The following SNX29 variants were observed in gnomAD, a reference collection of about 807,000 sequenced individuals.
SNX29 encodes sorting nexin-29.
A neutral mutation model predicts 102.1 loss-of-function variants in SNX29; 78 were observed. The ratio of observed to expected loss-of-function variants is 0.76; its 90% CI spans 0.64 to 0.92. The LOEUF (loss-of-function observed/expected upper bound fraction) is 0.92. Ranked by LOEUF, SNX29 falls within the 40% of genes least tolerant of loss-of-function variation. SNX29 has a pLI of 0.00. For synonymous variants in SNX29, 580 were observed against 414.5 expected, an observed-to-expected ratio of 1.40 and a Z score of -4.85; for missense variants, 1,280 against 1,061.7, an observed-to-expected ratio of 1.21 and a Z score of -2.86.
At chr16:12,071,668 C>G (rs1238742672) in intron 10 of SNX29, among the ~76,000 whole-genome samples, 1 of 152,018 alleles carries the variant, frequency 6.6e-6, no homozygotes, top group Admixed American at 6.6e-5. Context: ...TTTTTTGGTT[C>G]CATATGAACT....
At chr16:12,557,894 C>G (rs1183583054) in intron 20 of SNX29, among the ~76,000 whole-genome samples, 2 of 152,160 alleles carry the variant, frequency 1.3e-5, no homozygotes, top group Non-Finnish European at 2.9e-5. Context: ...CTGCAGGCAA[C>G]TGGAGGATTC....
At chr16:12,184,584 C>G (rs954940890) in intron 13 of SNX29, among the ~76,000 whole-genome samples, 3 of 152,216 alleles carry the variant, frequency 2.0e-5, no homozygotes, top group Admixed American at 6.5e-5. Flanking sequence ...GCCTTGTTAG[C>G]TTCCTGGAAT....
rs936671952 is a variant in SNX29 at position 12,571,037 on chromosome 16, C to T, written c.*2408C>T. Reference sequence around the variant, plus strand: ...TCATCTCGCAGATCCAGACCATCTCCTCTCATTCTCACTCTAAAAATGCTG... The same window carrying T: ...TCATCTCGCAGATCCAGACCATCTCTTCTCATTCTCACTCTAAAAATGCTG... On this transcript the variant is annotated 3_prime_UTR_variant, in exon 21 of 21. Coordinates refer to ENST00000566228, the MANE Select transcript of SNX29 (RefSeq NM_032167.5). 10 of 232,746 alleles carry T rather than the reference C, an allele frequency of 4.3e-5. No individual in the cohort carries two copies. The highest frequency in any genetic ancestry group is 1.8e-4 in the South Asian group (1 of 5,530). 14.4% of individuals were successfully genotyped at this position (232,746 alleles called of 1,614,324 possible).
chr16:12,547,003 G>A (rs1302853874), intron 20 of SNX29, among the ~76,000 whole-genome samples: 6 of 152,068 alleles, frequency 3.9e-5, no homozygotes, highest in African/African-American at 1.4e-4. Context: ...CACCATTTCA[G>A]ATCCTGATAG....
intron 14 of SNX29, among the ~76,000 whole-genome samples, chr16:12,246,528 CT>C (rs1352078616): frequency 6.6e-6 from 1 of 152,112 alleles, no homozygotes; most frequent in Non-Finnish European, 1.5e-5. Context: ...GTAATCCCAG[CT>C]ACTCAGGAGG....
chr16:11,982,423 G>GTTTTTTTTTTTTTT (rs60761477), intron 1 of SNX29, among the ~76,000 whole-genome samples: 1 of 120,356 alleles, frequency 8.3e-6, no homozygotes, highest in African/African-American at 3.0e-5. Flanking sequence ...CTTTCCATCA[G>GTTTTTTTTTTTTTT]TTTTTTTTTT....
intron 3 of SNX29, among the ~76,000 whole-genome samples, chr16:12,015,928 A>C (rs1483707791): frequency 2.1e-5 from 3 of 145,838 alleles, no homozygotes; most frequent in Admixed American, 6.8e-5. Context: ...GCAGTGGTGC[A>C]ATCTTGGCTC....
intron 3 of SNX29, among the ~76,000 whole-genome samples, chr16:12,016,581 GA>G (rs1258855658): frequency 6.6e-6 from 1 of 152,114 alleles, no homozygotes; most frequent in Non-Finnish European, 1.5e-5. Flanking sequence ...GCTAGCATTT[GA>G]TTTTGTCATG....
intron 18 of SNX29, among the ~76,000 whole-genome samples, chr16:12,437,321 GCT>G (rs149076883): frequency 0.082 from 12,512 of 152,206 alleles, 662 homozygotes; most frequent in Middle Eastern, 0.17. Flanking sequence ...CACACACTGT[GCT>G]CTCAGCTCAG....
At chr16:12,172,579 A>G (rs1235223730) in intron 13 of SNX29, among the ~76,000 whole-genome samples, 1 of 152,178 alleles carries the variant, frequency 6.6e-6, no homozygotes, top group African/African-American at 2.4e-5. Context: ...GGTTTATAAT[A>G]TTCTCTTCCT....
chr16:12,392,970 C>T (rs565318795), intron 16 of SNX29, among the ~76,000 whole-genome samples: 1 of 152,290 alleles, frequency 6.6e-6, no homozygotes, highest in South Asian at 2.1e-4. Flanking sequence ...CAGAACCATG[C>T]CATTTCACAT....
intron 13 of SNX29, among the ~76,000 whole-genome samples, 196 bp downstream of exon 13, chr16:12,129,954 A>G (rs984353493): frequency 2.0e-5 from 3 of 149,142 alleles, no homozygotes; most frequent in Admixed American, 6.7e-5. Flanking sequence ...AATACAAAAA[A>G]TTAGCTGGGT....
intron 19 of SNX29, 41 bp downstream of exon 19, chr16:12,477,900 G>A (rs376880448): frequency 2.9e-4 from 451 of 1,541,476 alleles, no homozygotes; most frequent in East Asian, 6.0e-4. Flanking sequence ...CACTGCCTGC[G>A]TTAAAATGGA....
intron 19 of SNX29, among the ~76,000 whole-genome samples, chr16:12,488,841 C>A (rs1335958950): frequency 6.6e-6 from 1 of 152,190 alleles, no homozygotes; most frequent in African/African-American, 2.4e-5. Flanking sequence ...AGTGAACCCA[C>A]CAGAATTGGC....
intron 3 of SNX29, among the ~76,000 whole-genome samples, chr16:12,010,368 C>T (rs150723750): frequency 4.9e-4 from 74 of 152,282 alleles, no homozygotes; most frequent in Admixed American, 1.4e-3. Context: ...CACTTGTAAT[C>T]TCAAGCCCTT....
At chr16:12,309,155 G>C (rs372065386) in intron 15 of SNX29, among the ~76,000 whole-genome samples, 26 of 152,310 alleles carry the variant, frequency 1.7e-4, no homozygotes, top group African/African-American at 6.3e-4. Context: ...TACAGCAAGA[G>C]ATGGGAGAGA....
intron 14 of SNX29, among the ~76,000 whole-genome samples, chr16:12,212,135 C>T (rs1043304229): frequency 2.6e-5 from 4 of 152,288 alleles, no homozygotes; most frequent in South Asian, 4.2e-4. Context: ...AGCCCAGAGA[C>T]GCCTGCCTAT....
At chr16:12,536,316 G>C (rs938289858) in intron 20 of SNX29, among the ~76,000 whole-genome samples, 1 of 152,104 alleles carries the variant, frequency 6.6e-6, no homozygotes, top group African/African-American at 2.4e-5. Flanking sequence ...GACAGGTTGA[G>C]AAATTACTAA....
chr16:12,292,297 G>C (rs1431172849), intron 15 of SNX29, among the ~76,000 whole-genome samples: 1 of 152,178 alleles, frequency 6.6e-6, no homozygotes, highest in Non-Finnish European at 1.5e-5. Context: ...AGCACTGTTT[G>C]TCATTCCTAC....
Sources: allele counts gnomAD v4.1 joint callset (sites outside exome capture counted in the v4.1 genomes callset), GRCh38; gene constraint gnomAD v4.1.1; transcripts MANE v1.5; gene names NCBI Gene and HGNC (gene_info 2026-07-23, HGNC 2026-07-21).